Variants in ANKRD26 observed in about 807,000 individuals in gnomAD.
ANKRD26 encodes the protein ankyrin repeat domain-containing protein 26.
Under a neutral mutation model 208.7 loss-of-function variants are expected in ANKRD26, and 141 were observed. The ratio of observed to expected loss-of-function variants is 0.68; its 90% confidence interval spans 0.59 to 0.78. The LOEUF (loss-of-function observed/expected upper bound fraction) is 0.78, where lower values mean the gene tolerates loss of function less well. ANKRD26 is among the 30% of genes least tolerant of loss of function. The pLI is 0.00. For missense variants in ANKRD26, 1,889 were observed against 1,938.7 expected (o/e 0.97, Z 0.48); for synonymous variants, 636 against 660.4 (o/e 0.96, Z 0.57).
rs746179991 is a variant in ANKRD26, at chr10:27,040,003, A to G, written c.2337T>C (p.His779=). Residue 779 remains histidine, a synonymous_variant, in exon 21 of 34, where the codon CAT becomes CAC. Coordinates refer to ENST00000376087, the MANE Select transcript of ANKRD26 (RefSeq NM_014915.3). ...GTTCTCGTTCCCATTCAACTTTTTG[A>G]TGCTCTAACTGTGATTTTATTTCTT... The part of the protein sequence containing the change: ...ETKEIKSQLE[H]QKVEWERELC... The G allele has an allele frequency of 3.1e-6, 5 of 1,613,756 alleles. No individual in the cohort carries two copies. The highest frequency in any genetic ancestry group is 4.2e-6 in the Non-Finnish European group (5 of 1,179,884).
At chr10:27,022,713 C>T in intron 28 of ANKRD26, 26 bp from the exon 29 acceptor site, 1 of 1,565,796 alleles carries the variant, frequency 6.4e-7, no homozygotes, top group Non-Finnish European at 8.7e-7. Flanking sequence ...AAATGAGTAA[C>T]TCAAGTTTTA....
chr10:27,098,641 C>T (rs1318319283), intron 1 of ANKRD26, among the ~76,000 whole-genome samples: 2 of 151,892 alleles, frequency 1.3e-5, no homozygotes, highest in African/African-American at 4.8e-5. Flanking sequence ...CTCCGCCTCC[C>T]GGGTTCACGC....
At chr10:27,069,632 A>T (rs1360051659) in intron 9 of ANKRD26, among the ~76,000 whole-genome samples, 1 of 152,166 alleles carries the variant, frequency 6.6e-6, no homozygotes. Context: ...TAGAAGACAG[A>T]TTTGGATAAA....
At chr10:27,097,791 C>T (rs1259897155) in intron 1 of ANKRD26, among the ~76,000 whole-genome samples, 1 of 152,060 alleles carries the variant, frequency 6.6e-6, no homozygotes, top group African/African-American at 2.4e-5. Flanking sequence ...GTACCTGAGA[C>T]TACAGGTGTG....
At chr10:27,036,722 C>T (rs1326890532) in intron 23 of ANKRD26, among the ~76,000 whole-genome samples, 2 of 152,044 alleles carry the variant, frequency 1.3e-5, no homozygotes, top group Non-Finnish European at 2.9e-5. Context: ...TTGCAGTAAA[C>T]CATTACTCTT....
At chr10:27,034,646 C>T (rs981470272) in intron 24 of ANKRD26, 150 bp downstream of exon 24, 37 of 537,194 alleles carry the variant, frequency 6.9e-5, no homozygotes, top group African/African-American at 5.6e-4. Context: ...CATCTCTCAG[C>T]TCTTTTATTT....
downstream of ANKRD26, among the ~76,000 whole-genome samples, chr10:26,989,879 G>A (rs1308406519): frequency 2.0e-5 from 3 of 152,092 alleles, no homozygotes; most frequent in African/African-American, 4.8e-5. Context: ...CAGAGGAGGC[G>A]GGGTAAAGTG....
At chr10:27,056,154 G>C (rs1481867918) in intron 15 of ANKRD26, among the ~76,000 whole-genome samples, 1 of 152,082 alleles carries the variant, frequency 6.6e-6, no homozygotes, top group Non-Finnish European at 1.5e-5. Context: ...TAAACACAAA[G>C]TACTTTCGCT....
chr10:27,053,445 G>A, intron 15 of ANKRD26, 55 bp from the exon 16 acceptor site: 1 of 1,123,602 alleles, frequency 8.9e-7, no homozygotes, highest in Non-Finnish European at 1.3e-6. Context: ...TTAGGTAAAA[G>A]GTATAGTCTT....
intron 29 of ANKRD26, among the ~76,000 whole-genome samples, chr10:27,019,422 G>A (rs1388371819): frequency 6.6e-6 from 1 of 152,094 alleles, no homozygotes; most frequent in African/African-American, 2.4e-5. Context: ...ATTCGAGTAG[G>A]TGCTCAGGGT....
chr10:27,017,911 TA>T (rs2053353631), intron 29 of ANKRD26, 119 bp from the exon 30 acceptor site: 1 of 960,116 alleles, frequency 1.0e-6, no homozygotes, highest in Non-Finnish European at 1.5e-6. Flanking sequence ...ACCTGAACCA[TA>T]AAAGATTCTT....
intron 23 of ANKRD26, among the ~76,000 whole-genome samples, chr10:27,036,306 C>A (rs1400037637): frequency 1.3e-5 from 2 of 151,396 alleles, no homozygotes; most frequent in Non-Finnish European, 2.9e-5. Context: ...CTACATATAT[C>A]AATGAACTCA....
At chr10:27,091,166 G>A (rs1044523067) in intron 4 of ANKRD26, among the ~76,000 whole-genome samples, 3 of 152,292 alleles carry the variant, frequency 2.0e-5, no homozygotes, top group Non-Finnish European at 2.9e-5. Context: ...GCTGATAAGC[G>A]TGGGCTAGGC....
chr10:27,012,797 G>A, intron 32 of ANKRD26, 85 bp downstream of exon 32: 1 of 1,364,424 alleles, frequency 7.3e-7, no homozygotes, highest in East Asian at 2.3e-5. Flanking sequence ...GGACAACAGA[G>A]TAAAACGCTG....
chr10:27,072,689 G>A (rs1057066096), intron 9 of ANKRD26, among the ~76,000 whole-genome samples: 1 of 152,198 alleles, frequency 6.6e-6, no homozygotes, highest in African/African-American at 2.4e-5. Flanking sequence ...CACAACGTCT[G>A]CAAGCACAAT....
In ANKRD26 at chr10:27,005,225, AC is replaced by A; in HGVS notation, c.*364del. ...CATGAACAATGACCACAGTTCCTGC[AC>A]AACAAAATGATGTCTAAGTCCAATT... On this transcript the variant is annotated 3_prime_UTR_variant, in exon 34 of 34. Transcript: ENST00000376087. The A allele has an allele frequency of 9.9e-7, 1 of 1,007,760 alleles. No individual in the cohort carries two copies. Among genetic ancestry groups the A allele is most frequent in the Non-Finnish European group, 1.2e-6 (1 of 843,986 alleles). The allele number at this position is 1,007,760 out of a possible 1,614,324, so 62.4% of individuals were successfully genotyped here.
intron 21 of ANKRD26, among the ~76,000 whole-genome samples, chr10:27,038,317 A>G (rs1033722052): frequency 6.6e-6 from 1 of 152,192 alleles, no homozygotes; most frequent in East Asian, 1.9e-4. Flanking sequence ...ATTATGGAAA[A>G]AGATATTGGA....
chr10:27,000,529 T>G (rs2052698820), downstream of ANKRD26, among the ~76,000 whole-genome samples: 1 of 152,104 alleles, frequency 6.6e-6, no homozygotes, highest in Non-Finnish European at 1.5e-5. Context: ...GATAAAATAC[T>G]CAAATAAAAA....
chr10:27,021,621 T>C (rs1008841156), intron 29 of ANKRD26, among the ~76,000 whole-genome samples: 3 of 152,244 alleles, frequency 2.0e-5, no homozygotes, highest in Admixed American at 1.3e-4. Context: ...ATTTTTTGCC[T>C]ACTTTTGAAT....
Sources: allele counts gnomAD v4.1 joint callset (sites outside exome capture counted in the v4.1 genomes callset), GRCh38; gene constraint gnomAD v4.1.1; transcripts MANE v1.5; gene names NCBI Gene and HGNC (gene_info 2026-07-23, HGNC 2026-07-21).